Variants in FAT3 observed in about 807,000 individuals in gnomAD.
The protein encoded by FAT3 is protocadherin Fat 3.
A neutral mutation model predicts 310.2 loss-of-function variants in FAT3; 95 were observed. The observed-to-expected ratio is 0.31, with a 90% CI of 0.26 to 0.36. FAT3 has a LOEUF of 0.36. Ranked by LOEUF, FAT3 falls within the 10% of genes least tolerant of loss-of-function variation. The pLI is 1.00. For missense variants in FAT3, 5,408 were observed against 5,715.6 expected (o/e 0.95, Z 1.74); for synonymous variants, 2,314 against 2,192.9 (o/e 1.06, Z -1.54).
chr11:92,397,554 C>G (rs1166688099), intron 2 of FAT3, among the ~76,000 whole-genome samples: 1 of 152,096 alleles, frequency 6.6e-6, no homozygotes, highest in African/African-American at 2.4e-5. Flanking sequence ...AAACCTTTTC[C>G]CCAAACACCT....
chr11:92,281,603 C>T (rs766201280), intron 1 of FAT3, among the ~76,000 whole-genome samples: 2 of 152,234 alleles, frequency 1.3e-5, no homozygotes, highest in Non-Finnish European at 2.9e-5. Flanking sequence ...TTCTTAAGGG[C>T]AGGCATGAGT....
At chr11:92,227,328 T>G (rs537874020) in intron 1 of FAT3, among the ~76,000 whole-genome samples, 3 of 152,288 alleles carry the variant, frequency 2.0e-5, no homozygotes, top group African/African-American at 7.2e-5. Context: ...GGTGGATTTG[T>G]GCTCCTGGCT....
chr11:92,809,372 G>A (rs1273184257), intron 12 of FAT3, among the ~76,000 whole-genome samples: 1 of 152,178 alleles, frequency 6.6e-6, no homozygotes, highest in East Asian at 1.9e-4. Flanking sequence ...GTAAATGATA[G>A]AGCAAAAAGT....
chr11:92,822,901 A>G (rs544036520), intron 13 of FAT3, among the ~76,000 whole-genome samples: 6 of 152,288 alleles, frequency 3.9e-5, no homozygotes, highest in Non-Finnish European at 7.4e-5. Flanking sequence ...AACTTCACAC[A>G]TGTTCTCACC....
intron 5 of FAT3, among the ~76,000 whole-genome samples, chr11:92,762,986 C>T (rs6483188): frequency 0.31 from 47,100 of 151,704 alleles, 7,579 homozygotes; most frequent in Non-Finnish European, 0.33. Context: ...GGTAAAACCC[C>T]GTCTCTACCA....
At chr11:92,298,644 GTCT>G in intron 1 of FAT3, among the ~76,000 whole-genome samples, 1 of 152,206 alleles carries the variant, frequency 6.6e-6, no homozygotes, top group South Asian at 2.1e-4. Flanking sequence ...ACCTTTCATT[GTCT>G]TCTTCATGAT....
At chr11:92,327,130 TG>T (rs1262160617) in intron 1 of FAT3, among the ~76,000 whole-genome samples, 1 of 152,130 alleles carries the variant, frequency 6.6e-6, no homozygotes, top group East Asian at 1.9e-4. Context: ...AACTTATTAC[TG>T]AATTTTTCTT....
chr11:92,581,220 A>C (rs945900057), intron 3 of FAT3, among the ~76,000 whole-genome samples: 1 of 152,030 alleles, frequency 6.6e-6, no homozygotes, highest in South Asian at 2.1e-4. Context: ...GAGAGGAATT[A>C]TGGCCCCTGT....
chr11:92,331,003 TGAGA>T (rs67328951), intron 1 of FAT3, among the ~76,000 whole-genome samples: 5,215 of 133,336 alleles, frequency 0.039, 161 homozygotes, highest in African/African-American at 0.11. Flanking sequence ...TGTGTGTGTG[TGAGA>T]GAGAGAGAGA....
At chr11:92,411,095 A>G (rs1950250957) in intron 2 of FAT3, among the ~76,000 whole-genome samples, 2 of 88,420 alleles carry the variant, frequency 2.3e-5, no homozygotes, top group South Asian at 7.3e-4. Context: ...TATAGATTAT[A>G]TATATTATAT....
At chr11:92,322,420 G>A (rs932754894) in intron 1 of FAT3, among the ~76,000 whole-genome samples, 5 of 152,158 alleles carry the variant, frequency 3.3e-5, no homozygotes, top group African/African-American at 1.2e-4. Flanking sequence ...TAATCAGAGT[G>A]ATGTTTTCTG....
intron 3 of FAT3, among the ~76,000 whole-genome samples, chr11:92,547,422 A>C (rs1412470320): frequency 6.6e-6 from 1 of 152,182 alleles, no homozygotes; most frequent in Admixed American, 6.5e-5. Flanking sequence ...TCTGGGATCA[A>C]AAAGAGAATA....
chr11:92,549,865 A>AAAGC (rs1234186817), intron 3 of FAT3, among the ~76,000 whole-genome samples: 1 of 152,212 alleles, frequency 6.6e-6, no homozygotes, highest in Non-Finnish European at 1.5e-5. Flanking sequence ...AACATTTTTT[A>AAAGC]GTAATAGGAA....
At position 92,800,738 on chromosome 11, in the gene FAT3, T is replaced by G. The variant is rs1054196614; in HGVS notation, c.7725T>G (p.Leu2575=). ...EGDVSIFVRA[L]DGGGRTTFCT... ...ATGTTAGTATTTTTGTGAGGGCCCT[T>G]GATGGTGGAGGGAGAACAACTTTCT... Residue 2575 remains leucine, a synonymous_variant, in exon 10 of 28, where the codon CTT becomes CTG. Coordinates refer to ENST00000525166, the MANE Select transcript of FAT3 (RefSeq NM_001367949.2). 8.7e-6 allele frequency: 14 copies of G among 1,613,628 alleles called. No homozygotes were observed. The African/African-American group carries it at 1.2e-4, about 14-fold the overall frequency.
chr11:92,828,064 C>T (rs1948145128), intron 13 of FAT3, among the ~76,000 whole-genome samples: 1 of 152,024 alleles, frequency 6.6e-6, no homozygotes, highest in Non-Finnish European at 1.5e-5. Flanking sequence ...CTTAATGTAA[C>T]ACATCATGAC....
intron 3 of FAT3, among the ~76,000 whole-genome samples, chr11:92,576,810 A>G (rs1043691450): frequency 6.6e-6 from 1 of 152,186 alleles, no homozygotes; most frequent in African/African-American, 2.4e-5. Flanking sequence ...TTTTATAACT[A>G]CAAAGAAGAG....
At chr11:92,484,842 T>TA (rs1952328860) in intron 2 of FAT3, among the ~76,000 whole-genome samples, 1 of 152,240 alleles carries the variant, frequency 6.6e-6, no homozygotes, top group Non-Finnish European at 1.5e-5. Context: ...GTTAGATGGT[T>TA]ACTGTAGTGG....
intron 3 of FAT3, among the ~76,000 whole-genome samples, chr11:92,534,224 G>C (rs941356835): frequency 1.3e-5 from 2 of 151,926 alleles, no homozygotes; most frequent in African/African-American, 4.8e-5. Flanking sequence ...TCACTGTCTC[G>C]AGCCATGCCA....
intron 1 of FAT3, among the ~76,000 whole-genome samples, chr11:92,350,453 T>C (rs1365923780): frequency 6.6e-6 from 1 of 152,130 alleles, no homozygotes; most frequent in Admixed American, 6.6e-5. Context: ...TGGGTTGTAC[T>C]TTTTAAAATC....
Sources: allele counts gnomAD v4.1 joint callset (sites outside exome capture counted in the v4.1 genomes callset), GRCh38; gene constraint gnomAD v4.1.1; transcripts MANE v1.5; gene names NCBI Gene and HGNC (gene_info 2026-07-23, HGNC 2026-07-21).